MRPL13: variants seen among roughly 807,000 people sequenced by gnomAD.
MRPL13 encodes mitochondrial ribosomal protein L13, also known as large ribosomal subunit protein uL13m.
A neutral mutation model predicts 29.0 loss-of-function variants in MRPL13; 33 were observed. That is an observed-to-expected ratio of 1.14 (90% CI 0.86 to 1.52). MRPL13 has a LOEUF of 1.52. Ranked by LOEUF, MRPL13 falls within the 40% of genes most tolerant of loss-of-function variation. The pLI is 0.00. For missense variants in MRPL13, 227 were observed against 216.7 expected (o/e 1.05, Z -0.30); for synonymous variants, 77 against 68.4 (o/e 1.13, Z -0.62).
intron 2 of MRPL13, among the ~76,000 whole-genome samples, chr8:120,434,228 A>T (rs1160664379): frequency 6.6e-6 from 1 of 152,114 alleles, no homozygotes; most frequent in Non-Finnish European, 1.5e-5. Flanking sequence ...CCCTTAAGCC[A>T]GAATGAAGTC....
chr8:120,405,002 AC>A (rs1812648023), intron 6 of MRPL13, among the ~76,000 whole-genome samples: 1 of 152,130 alleles, frequency 6.6e-6, no homozygotes, highest in Admixed American at 6.6e-5. Flanking sequence ...GAGTACAGTG[AC>A]CCCCTTGAAA....
At chr8:120,421,143 A>G (rs113037795) in intron 4 of MRPL13, among the ~76,000 whole-genome samples, 182 of 152,034 alleles carry the variant, frequency 1.2e-3, no homozygotes, top group African/African-American at 4.3e-3. Flanking sequence ...TATAATCTAT[A>G]TCCCAGGGTA....
chr8:120,433,803 T>C (rs925901013), intron 2 of MRPL13, among the ~76,000 whole-genome samples: 12 of 152,116 alleles, frequency 7.9e-5, no homozygotes, highest in Admixed American at 7.9e-4. Flanking sequence ...ACCCTGGATA[T>C]AGCACAGTTG....
chr8:120,414,396 C>T (rs540727410), intron 5 of MRPL13: 8 of 188,790 alleles, frequency 4.2e-5, no homozygotes, highest in African/African-American at 1.9e-4. Context: ...CTCATGCTTT[C>T]TCATCTGACA....
intron 5 of MRPL13, among the ~76,000 whole-genome samples, chr8:120,417,364 G>T (rs1812816080): frequency 6.6e-6 from 1 of 152,110 alleles, no homozygotes; most frequent in Non-Finnish European, 1.5e-5. Context: ...CTGTATTGTG[G>T]TATTTGGAAA....
Position 120,432,080 on chromosome 8 carries a change from AAT to A in MRPL13, c.193_194del (p.Ile65CysfsTer23). 1 of 1,610,038 alleles carries A rather than the reference AAT, an allele frequency of 6.2e-7. No individual in the cohort carries two copies. Among genetic ancestry groups the A allele is most frequent in the Non-Finnish European group, 8.5e-7 (1 of 1,178,058 alleles). On this transcript the variant is annotated frameshift_variant, in exon 3 of 7. Coordinates refer to ENST00000306185, the MANE Select transcript of MRPL13 (RefSeq NM_014078.6). LOFTEE classifies it high-confidence loss of function. The stretch of plus-strand genomic sequence containing the variant: ...GTTCCCATTTGTTTCCAGAAAATGC[AAT>A]GTGTCTTGTGTTCATTATAACAACA... ...DHVVIMNTRH[I>X]AFSGNKWEQK...
At chr8:120,412,343 A>G (rs1812748407) in intron 6 of MRPL13, among the ~76,000 whole-genome samples, 1 of 152,216 alleles carries the variant, frequency 6.6e-6, no homozygotes, top group Non-Finnish European at 1.5e-5. Context: ...TACACTAGCA[A>G]GCATGTTAAA....
Position 120,422,669 on chromosome 8 carries a change from G to A in MRPL13, c.306+2637C>T, listed in dbSNP as rs150231399. 4.6e-4 allele frequency among the ~76,000 whole-genome samples: 69 copies of A among 149,358 alleles called. No individual in the cohort carries two copies. The Middle Eastern group carries it at 0.018, about 38-fold the overall frequency. On this transcript the variant is annotated intron_variant, in intron 4 of 6. Transcript: ENST00000306185. ...AAGTAATTAAAAATTTAGTTAATTC[G>A]TGAAGTTAATTAATATTGTTTATAA...
chr8:120,433,302 A>C (rs776724689), intron 2 of MRPL13, among the ~76,000 whole-genome samples: 18 of 152,142 alleles, frequency 1.2e-4, no homozygotes, highest in Admixed American at 3.3e-4. Context: ...GACAACCTCA[A>C]AAAACACTGA....
chr8:120,396,926 TG>T, intron 6 of MRPL13, among the ~76,000 whole-genome samples: 1 of 152,258 alleles, frequency 6.6e-6, no homozygotes, highest in Non-Finnish European at 1.5e-5. Context: ...GGAATGAAAA[TG>T]GCAAGTGAAT....
At chr8:120,398,920 T>TACACACACACACACAA (rs1554632358) in intron 6 of MRPL13, among the ~76,000 whole-genome samples, 1 of 149,124 alleles carries the variant, frequency 6.7e-6, no homozygotes, top group Non-Finnish European at 1.5e-5. Flanking sequence ...CAGACAATAA[T>TACACACACACACACAA]ACACACACAC....
rs564695416 is a variant in MRPL13, at chr8:120,410,352, T to G, written c.515+3639A>C. On this transcript the variant is annotated intron_variant, in intron 6 of 6. Coordinates refer to ENST00000306185, the MANE Select transcript of MRPL13 (RefSeq NM_014078.6). ...AAATTATATTCTTGGCTTAGCTATG[T>G]TGGGTAGAACAAAAGCATATCTTAA... Among the ~76,000 whole-genome samples, 114 of 152,306 alleles carry G rather than the reference T, an allele frequency of 7.5e-4. 1 individual carries two copies. The highest frequency in any genetic ancestry group is 2.6e-3 in the African/African-American group (107 of 41,572).
chr8:120,412,184 T>C (rs1812747099), intron 6 of MRPL13, among the ~76,000 whole-genome samples: 1 of 152,172 alleles, frequency 6.6e-6, no homozygotes, highest in Admixed American at 6.5e-5. Flanking sequence ...GGTGTTTCTG[T>C]AAGAAAATCA....
intron 6 of MRPL13, among the ~76,000 whole-genome samples, chr8:120,402,541 A>G (rs1002207730): frequency 2.0e-4 from 30 of 152,220 alleles, no homozygotes; most frequent in African/African-American, 6.0e-4. Flanking sequence ...CCCAAACTAT[A>G]AAACCCTAGA....
intron 6 of MRPL13, among the ~76,000 whole-genome samples, chr8:120,413,070 C>G (rs998591692): frequency 5.3e-5 from 8 of 152,074 alleles, no homozygotes; most frequent in African/African-American, 9.7e-5. Context: ...AGACAAATAA[C>G]AGACACACAT....
rs771212058 is a variant in MRPL13, at chr8:120,419,825, C to CA, written c.393+26dup. 4 of 1,537,168 alleles carry CA rather than the reference C, an allele frequency of 2.6e-6. No individual in the cohort carries two copies. In the African/African-American group the frequency reaches 5.6e-5, roughly 21 times the overall value. On this transcript the variant is annotated intron_variant, in intron 5 of 6. Transcript: ENST00000306185. Reference sequence around the variant, plus strand: ...CATTTAATTGAAAATTTTGGAAAAGCATTGTTACCAATGACCACTGACTTA... The same window carrying CA: ...CATTTAATTGAAAATTTTGGAAAAGCAATTGTTACCAATGACCACTGACTTA...
chr8:120,432,117 C>A lies in MRPL13; in HGVS notation c.158G>T (p.Cys53Phe), dbSNP rs759165600. The A allele has an allele frequency of 6.4e-7, 1 of 1,574,312 alleles. No homozygotes were observed. The highest frequency in any genetic ancestry group is 1.2e-5 in the South Asian group (1 of 82,274). ...HKPVYHALSD[C>F]GDHVVIMNTR... Reference sequence around the variant, plus strand: ...GTTCATTATAACAACATGATCCCCACAGTCACCTACATTTTAAAAAGAAAC... The same window carrying A: ...GTTCATTATAACAACATGATCCCCAAAGTCACCTACATTTTAAAAAGAAAC... The change falls in exon 3 of 7, where the codon TGT becomes TTT. Residue 53 changes from cysteine to phenylalanine, a missense_variant. Cys to Phe is a radical substitution (Grantham distance 205). Coordinates refer to ENST00000306185, the MANE Select transcript of MRPL13 (RefSeq NM_014078.6).
chr8:120,422,524 T>G (rs1161964902), intron 4 of MRPL13, among the ~76,000 whole-genome samples: 1 of 149,786 alleles, frequency 6.7e-6, no homozygotes, highest in Non-Finnish European at 1.5e-5. Flanking sequence ...CTATTAGTGT[T>G]AAGACTTTAT....
chr8:120,412,027 A>AT (rs1315838848), intron 6 of MRPL13, among the ~76,000 whole-genome samples: 1 of 152,206 alleles, frequency 6.6e-6, no homozygotes, highest in Non-Finnish European at 1.5e-5. Flanking sequence ...CTGATTTAGA[A>AT]TACACTTTAG....
Sources: gnomAD v4.1 joint callset for allele counts (sites outside exome capture counted in the v4.1 genomes callset) on GRCh38, gnomAD v4.1.1 for gene constraint, MANE v1.5 for transcripts, NCBI Gene and HGNC (gene_info 2026-07-23, HGNC 2026-07-21) for gene names.